ATP10A: variants seen among roughly 807,000 people sequenced by gnomAD.
ATP10A encodes phospholipid-transporting ATPase VA.
In ATP10A, 111 loss-of-function variants were observed where a neutral mutation model predicts 147.8. The ratio of observed to expected loss-of-function variants is 0.75; its 90% CI spans 0.64 to 0.88. The LOEUF is 0.88. ATP10A is among the 40% of genes least tolerant of loss of function. The pLI is 0.00. For missense variants in ATP10A, 1,927 were observed against 1,959.0 expected, an observed-to-expected ratio of 0.98 and a Z score of 0.31; for synonymous variants, 875 against 841.6, an observed-to-expected ratio of 1.04 and a Z score of -0.69.
chr15:25,783,047 G>A (rs749829279), intron 1 of ATP10A, among the ~76,000 whole-genome samples: 24 of 151,876 alleles, frequency 1.6e-4, no homozygotes, highest in Non-Finnish European at 2.6e-4. Flanking sequence ...ATGGTGGCAC[G>A]AGCCTGTAGT....
Position 25,862,697 on chromosome 15 carries a change from G to T in ATP10A, c.400C>A (p.His134Asn). The change falls in exon 1 of 21, where the codon CAC becomes AAC. Residue 134 changes from histidine to asparagine, a missense_variant. By Grantham distance (68) the His-to-Asn change is moderately conservative. Transcript: ENST00000555815. ...FRDLWEDYSR[H>N]RSDHKINHLG... ...TGGTTGATCTTGTGGTCGGAGCGGT[G>T]GCGGCTGTAGTCCTCCCACAGGTCC... 1 of 1,607,642 alleles carries T rather than the reference G, an allele frequency of 6.2e-7. No individual in the cohort carries two copies.
chr15:25,723,775 T>C (rs1902387168), intron 6 of ATP10A, 116 bp downstream of exon 6: 4 of 882,424 alleles, frequency 4.5e-6, no homozygotes, highest in Admixed American at 3.7e-5. Context: ...TCCAGGTAGA[T>C]ATATTTGCCA....
At chr15:25,832,141 G>A (rs1332692725) in intron 1 of ATP10A, among the ~76,000 whole-genome samples, 2 of 152,176 alleles carry the variant, frequency 1.3e-5, no homozygotes, top group Non-Finnish European at 2.9e-5. Flanking sequence ...CAAGACAGGG[G>A]ACGTAAGGAC....
At chr15:25,860,035 G>A (rs7164901) in intron 1 of ATP10A, among the ~76,000 whole-genome samples, 142,666 of 152,178 alleles carry the variant, frequency 0.94, 66,888 homozygotes, top group Admixed American at 0.95. Flanking sequence ...CGTGCGTCTG[G>A]TCTTCTCTGC....
chr15:25,735,961 T>C, intron 3 of ATP10A, 95 bp downstream of exon 3: 2 of 1,101,210 alleles, frequency 1.8e-6, no homozygotes, highest in Non-Finnish European at 2.8e-6. Context: ...TGGCAAAGAG[T>C]ATTAAATGCA....
intron 15 of ATP10A, among the ~76,000 whole-genome samples, chr15:25,689,653 C>A (rs1414149834): frequency 6.6e-6 from 1 of 152,254 alleles, no homozygotes; most frequent in Non-Finnish European, 1.5e-5. Flanking sequence ...TCTCACCTAA[C>A]ACATCCCCAG....
intron 2 of ATP10A, among the ~76,000 whole-genome samples, chr15:25,737,396 G>A (rs1887346824): frequency 6.6e-6 from 1 of 152,232 alleles, no homozygotes; most frequent in Non-Finnish European, 1.5e-5. Flanking sequence ...GACGAGGAGG[G>A]TAGGACTTAA....
chr15:25,826,293 C>T (rs1207805590), intron 1 of ATP10A, among the ~76,000 whole-genome samples: 2 of 152,160 alleles, frequency 1.3e-5, no homozygotes, highest in Non-Finnish European at 2.9e-5. Flanking sequence ...GGTACGGTGG[C>T]TCATGCCTGT....
intron 1 of ATP10A, among the ~76,000 whole-genome samples, chr15:25,857,787 T>C (rs1893580605): frequency 1.3e-5 from 2 of 152,166 alleles, no homozygotes; most frequent in East Asian, 1.9e-4. Flanking sequence ...GAACACGGGG[T>C]CAGAGCAGGG....
At chr15:25,862,110 C>T (rs1382794179) in intron 1 of ATP10A, 3 of 351,854 alleles carry the variant, frequency 8.5e-6, no homozygotes, top group Non-Finnish European at 1.7e-5. Context: ...GGAGGATGGA[C>T]ACTGCTGTTA....
At chr15:25,743,847 A>G (rs933120951) in intron 2 of ATP10A, among the ~76,000 whole-genome samples, 1 of 152,128 alleles carries the variant, frequency 6.6e-6, no homozygotes, top group African/African-American at 2.4e-5. Context: ...TTCCATTTTT[A>G]AAGTCATCAG....
At chr15:25,829,767 G>A (rs143584499) in intron 1 of ATP10A, among the ~76,000 whole-genome samples, 3 of 152,296 alleles carry the variant, frequency 2.0e-5, no homozygotes, top group African/African-American at 4.8e-5. Context: ...AGTCCCAAGA[G>A]GCCAAGGCGT....
chr15:25,724,038 AG>A lies in ATP10A; in HGVS notation c.980-18del. The A allele has an allele frequency of 1.3e-6, 2 of 1,504,054 alleles. No individual in the cohort carries two copies. Among genetic ancestry groups the A allele is most frequent in the Non-Finnish European group, 1.8e-6 (2 of 1,125,046 alleles). The allele number at this position is 1,504,054 out of a possible 1,614,324, so 93.2% of individuals were successfully genotyped here. A position where few individuals can be genotyped will look rare whatever the true frequency, so the allele number is the denominator to read the frequency against. Reference sequence around the variant, plus strand: ...GTCCATGTCCTGTAGTAATGTTCAAAGAGAAATGTCATTCATCCAATGGAAA... The same window carrying A: ...GTCCATGTCCTGTAGTAATGTTCAAAAGAAATGTCATTCATCCAATGGAAA... On this transcript the variant is annotated intron_variant, in intron 5 of 20. Transcript: ENST00000555815.
chr15:25,681,764 A>T (rs940012873), intron 17 of ATP10A, among the ~76,000 whole-genome samples: 2 of 152,204 alleles, frequency 1.3e-5, no homozygotes, highest in Non-Finnish European at 2.9e-5. Flanking sequence ...CAGTAAAAAG[A>T]TGAAACTGGC....
intron 5 of ATP10A, among the ~76,000 whole-genome samples, chr15:25,725,106 C>T (rs995239564): frequency 2.0e-5 from 3 of 152,116 alleles, no homozygotes; most frequent in Non-Finnish European, 1.5e-5. Flanking sequence ...CCCCGTCTCC[C>T]GTCAGATCAG....
rs113623485 is a variant in ATP10A at position 25,687,951 on chromosome 15, C to T, written c.3166-123G>A. On this transcript the variant is annotated intron_variant, in intron 15 of 20. Coordinates refer to ENST00000555815, the MANE Select transcript of ATP10A (RefSeq NM_024490.4). The stretch of plus-strand genomic sequence containing the variant: ...ATCCCCATTCTGAACACAGTGCGAG[C>T]GTGGCCGGCCAGGGTCTCCATCGCT... 2,140 of 1,394,122 alleles carry T rather than the reference C, an allele frequency of 1.5e-3. 29 individuals are homozygous for T. In the African/African-American group the frequency reaches 0.026, roughly 17 times the overall value. The allele number at this position is 1,394,122 out of a possible 1,614,324, so 86.4% of individuals were successfully genotyped here.
chr15:25,788,381 G>A (rs562991439), intron 1 of ATP10A, among the ~76,000 whole-genome samples: 6 of 152,300 alleles, frequency 3.9e-5, no homozygotes, highest in East Asian at 3.9e-4. Context: ...TCTGCAGAAC[G>A]GGGGTCTGTA....
chr15:25,787,853 T>C (rs1890241574), intron 1 of ATP10A, among the ~76,000 whole-genome samples: 1 of 152,066 alleles, frequency 6.6e-6, no homozygotes, highest in Non-Finnish European at 1.5e-5. Flanking sequence ...TCGGCCTGCA[T>C]AGATGAGGGA....
intron 2 of ATP10A, among the ~76,000 whole-genome samples, chr15:25,742,522 G>A (rs768852484): frequency 5.3e-5 from 8 of 152,106 alleles, no homozygotes; most frequent in Non-Finnish European, 8.8e-5. Context: ...CCTGACTGTC[G>A]CACAGTCAAA....
Sources: gnomAD v4.1 joint callset for allele counts (sites outside exome capture counted in the v4.1 genomes callset) on GRCh38, gnomAD v4.1.1 for gene constraint, MANE v1.5 for transcripts, NCBI Gene and HGNC (gene_info 2026-07-23, HGNC 2026-07-21) for gene names.